COL9A3: variants seen among roughly 807,000 people sequenced by gnomAD.
COL9A3 encodes collagen alpha-3(IX) chain.
In COL9A3, 82 loss-of-function variants were observed where a neutral mutation model predicts 110.2. That is an observed-to-expected ratio of 0.74 (90% CI 0.62 to 0.89). The LOEUF is 0.89. Among genes scored for constraint, COL9A3 ranks in the 40% least tolerant of loss-of-function variants. COL9A3 has a pLI of 0.00. For synonymous variants in COL9A3, 494 were observed against 403.8 expected, an observed-to-expected ratio of 1.22 and a Z score of -2.68; for missense variants, 1,066 against 981.3, an observed-to-expected ratio of 1.09 and a Z score of -1.15.
intron 1 of COL9A3, 53 bp from the exon 2 acceptor site, chr20:62,817,514 G>A: frequency 3.1e-6 from 4 of 1,307,400 alleles, no homozygotes; most frequent in Non-Finnish European, 3.2e-6. Context: ...AGGGGACGCC[G>A]GGTCAGGCCC....
At chr20:62,830,661 A>T in intron 24 of COL9A3, 73 bp downstream of exon 24, 1 of 199,782 alleles carries the variant, frequency 5.0e-6, no homozygotes, top group East Asian at 1.9e-4. Flanking sequence ...CACCCCCATG[A>T]CAGTCCCCCA....
At chr20:62,826,869 C>T (rs767216784) in intron 15 of COL9A3, 49 bp downstream of exon 15, 2 of 1,596,812 alleles carry the variant, frequency 1.3e-6, no homozygotes, top group Admixed American at 3.4e-5. Context: ...ACCTCTCTCC[C>T]CTTTCCCTCT....
At chr20:62,832,262 C>A in intron 25 of COL9A3, 73 bp downstream of exon 25, 1 of 1,475,850 alleles carries the variant, frequency 6.8e-7, no homozygotes, top group Non-Finnish European at 9.4e-7. Flanking sequence ...TCCTCCTGTC[C>A]CGGCTCTGGC....
At chr20:62,819,563 C>T (rs1405664444) in intron 4 of COL9A3, among the ~76,000 whole-genome samples, 1 of 152,210 alleles carries the variant, frequency 6.6e-6, no homozygotes, top group Non-Finnish European at 1.5e-5. Flanking sequence ...TCAGGACCTT[C>T]TGCCCACTGC....
intron 12 of COL9A3, 154 bp from the exon 13 acceptor site, chr20:62,825,663 G>C: frequency 1.3e-6 from 1 of 777,760 alleles, no homozygotes; most frequent in Non-Finnish European, 2.2e-6. Flanking sequence ...CTCTGGAACT[G>C]TGGGCAAGTG....
chr20:62,827,383 G>A (rs775030159), intron 16 of COL9A3, 89 bp downstream of exon 16: 4 of 1,414,394 alleles, frequency 2.8e-6, no homozygotes, highest in Non-Finnish European at 3.9e-6. Context: ...GGACACACTT[G>A]GGAGTGAGAC....
At position 62,823,459 on chromosome 20, in the gene COL9A3, G is replaced by A. The variant is rs1248093122; in HGVS notation, c.519+827G>A. On this transcript the variant is annotated intron_variant, in intron 10 of 31. Transcript: ENST00000649368. ...TAGAGAGGTTTGATAGTTTTGAAGG[G>A]AAAAGCTCGGCCCACTCTGACCTGA... Among the ~76,000 whole-genome samples, 2 of 152,208 alleles carry A rather than the reference G, an allele frequency of 1.3e-5. 1 individual carries two copies.
At chr20:62,832,240 C>T (rs1220628891) in intron 25 of COL9A3, 51 bp downstream of exon 25, 10 of 1,581,994 alleles carry the variant, frequency 6.3e-6, no homozygotes, top group African/African-American at 1.3e-5. Context: ...AGCTGCACAG[C>T]TTCTCCCAGG....
In COL9A3 at chr20:62,824,484, G is replaced by A; in HGVS notation, c.559G>A (p.Gly187Arg). 1 of 1,598,778 alleles carries A rather than the reference G, an allele frequency of 6.3e-7. No individual in the cohort carries two copies. Among genetic ancestry groups the A allele is most frequent in the Non-Finnish European group, 8.5e-7 (1 of 1,173,422 alleles). Residue 187 changes from glycine to arginine, a missense_variant, in exon 11 of 32, where the codon GGA (glycine) becomes AGA (arginine). Transcript: ENST00000649368. ...ICPPGPPGPP[G>R]MPGFKGPTGY... ...CCCGCCAGGTCCCCCAGGGCCCCCT[G>A]GAATGCCAGGGTTCAAGGTGAGTCA...
At chr20:62,836,590 G>A (rs1387467035) in intron 29 of COL9A3, 58 bp downstream of exon 29, 7 of 1,527,956 alleles carry the variant, frequency 4.6e-6, no homozygotes, top group Non-Finnish European at 6.2e-6. Flanking sequence ...GGGGTCCCGT[G>A]CCTGGGGCTA....
intron 17 of COL9A3, among the ~76,000 whole-genome samples, chr20:62,828,206 G>A (rs2063569736): frequency 6.6e-6 from 1 of 152,226 alleles, no homozygotes; most frequent in Non-Finnish European, 1.5e-5. Flanking sequence ...CAGAGGACAC[G>A]GGAAGTAAGG....
chr20:62,840,081 A>ATTC (rs960223525), intron 31 of COL9A3, among the ~76,000 whole-genome samples: 1 of 151,798 alleles, frequency 6.6e-6, no homozygotes, highest in Non-Finnish European at 1.5e-5. Context: ...TGCCCGCACC[A>ATTC]TTCTGGACTT....
chr20:62,837,596 C>T (rs1049408769), intron 30 of COL9A3, among the ~76,000 whole-genome samples: 98 of 149,944 alleles, frequency 6.5e-4, no homozygotes, highest in African/African-American at 2.3e-3. Flanking sequence ...ATCACGAGGT[C>T]GGGAGTTCAA....
At chr20:62,817,906 C>T (rs562239294) in intron 2 of COL9A3, 7 of 583,498 alleles carry the variant, frequency 1.2e-5, no homozygotes, top group Non-Finnish European at 2.3e-5. Flanking sequence ...GCCCGTGCCC[C>T]TGTGTTCGGG....
intron 3 of COL9A3, 74 bp downstream of exon 3, chr20:62,818,627 A>G: frequency 6.9e-7 from 1 of 1,454,644 alleles, no homozygotes; most frequent in Non-Finnish European, 9.6e-7. Flanking sequence ...CAGAGGGGTC[A>G]TTGATATCCT....
intron 26 of COL9A3, among the ~76,000 whole-genome samples, chr20:62,834,022 T>C (rs6089807): frequency 0.58 from 88,569 of 151,956 alleles, 27,441 homozygotes; most frequent in African/African-American, 0.8. Context: ...TACAGGCGCC[T>C]GCCACCACGC....
rs1406917226 is a variant in COL9A3, at chr20:62,825,034, C to T, written c.630+13C>T. ...GGACGGCGAGAAGGTGAAGCTGCCG[C>T]ACAGCAGCTGGGGAGGAGCTGGGGA... On this transcript the variant is annotated intron_variant, in intron 12 of 31. Transcript: ENST00000649368. 1.9e-6 allele frequency: 3 copies of T among 1,604,572 alleles called. 1 individual carries two copies. The highest frequency in any genetic ancestry group is 2.5e-6 in the Non-Finnish European group (3 of 1,177,114).
chr20:62,825,712 G>A, intron 12 of COL9A3, 105 bp from the exon 13 acceptor site: 1 of 1,183,898 alleles, frequency 8.4e-7, no homozygotes, highest in South Asian at 1.3e-5. Flanking sequence ...CTGTGAAGGG[G>A]GCAACACCCC....
At chr20:62,819,838 C>T (rs1156456363) in intron 4 of COL9A3, 91 bp from the exon 5 acceptor site, 8 of 1,447,240 alleles carry the variant, frequency 5.5e-6, no homozygotes, top group Non-Finnish European at 7.7e-6. Context: ...TCTGGACTCA[C>T]CAAGGGAAGG....
Sources: allele counts gnomAD v4.1 joint callset (sites outside exome capture counted in the v4.1 genomes callset), GRCh38; gene constraint gnomAD v4.1.1; transcripts MANE v1.5; gene names NCBI Gene and HGNC (gene_info 2026-07-23, HGNC 2026-07-21).